The following CUX1 variants were observed in gnomAD, a reference collection of about 807,000 sequenced individuals.
CUX1 encodes the protein protein CASP.
In CUX1, 31 loss-of-function variants were observed where a neutral mutation model predicts 158.8. That is an observed-to-expected ratio of 0.20 (90% CI 0.15 to 0.26). The LOEUF is 0.26. CUX1 is among the 10% of genes least tolerant of loss of function. CUX1 has a pLI of 1.00. For synonymous variants in CUX1, 879 were observed against 862.1 expected, an observed-to-expected ratio of 1.02 and a Z score of -0.34; for missense variants, 1,589 against 2,014.6, an observed-to-expected ratio of 0.79 and a Z score of 4.04.
chr7:102,191,374 C>T (rs1400836586), intron 12 of CUX1, among the ~76,000 whole-genome samples: 1 of 152,166 alleles, frequency 6.6e-6, no homozygotes, highest in African/African-American at 2.4e-5. Flanking sequence ...GCTGGGATTA[C>T]GGGCATGAGC....
chr7:102,086,154 C>T (rs782478925), intron 4 of CUX1, among the ~76,000 whole-genome samples: 12 of 152,002 alleles, frequency 7.9e-5, no homozygotes, highest in Admixed American at 2.0e-4. Context: ...ATCCTCCCCC[C>T]GGGCTTTTTT....
At chr7:102,029,129 AT>A (rs1421364695) in intron 3 of CUX1, among the ~76,000 whole-genome samples, 1 of 151,640 alleles carries the variant, frequency 6.6e-6, no homozygotes, top group East Asian at 1.9e-4. Context: ...AGCAAATGAG[AT>A]TGCAGGTGTG....
chr7:101,844,480 TTTC>T, intron 1 of CUX1, among the ~76,000 whole-genome samples: 1 of 152,334 alleles, frequency 6.6e-6, no homozygotes, highest in Non-Finnish European at 1.5e-5. Flanking sequence ...ATTCCCCTGT[TTTC>T]TTTTTGCACA....
downstream of CUX1, among the ~76,000 whole-genome samples, chr7:102,258,660 C>G (rs145323549): frequency 4.2e-3 from 633 of 152,286 alleles, 4 homozygotes; most frequent in Non-Finnish European, 5.8e-3. Flanking sequence ...CTGGTGGTGG[C>G]AGCCCCAATC....
intron 23 of CUX1, among the ~76,000 whole-genome samples, chr7:102,245,714 G>A (rs1225159696): frequency 6.6e-6 from 1 of 152,180 alleles, no homozygotes; most frequent in African/African-American, 2.4e-5. Context: ...GCTCACCCCT[G>A]TAATCCCAGC....
chr7:102,078,276 A>G (rs1432457586), intron 4 of CUX1, among the ~76,000 whole-genome samples: 9 of 152,228 alleles, frequency 5.9e-5, no homozygotes, highest in South Asian at 2.1e-4. Context: ...GGGTCTTGCC[A>G]TGTTGCCAAG....
At chr7:102,051,897 C>T (rs1823553642) in intron 3 of CUX1, among the ~76,000 whole-genome samples, 1 of 151,986 alleles carries the variant, frequency 6.6e-6, no homozygotes, top group Non-Finnish European at 1.5e-5. Context: ...AATTCCAGAA[C>T]ATTTTCGTCA....
intron 1 of CUX1, among the ~76,000 whole-genome samples, chr7:101,876,172 C>G (rs1799109239): frequency 6.6e-6 from 1 of 151,534 alleles, no homozygotes; most frequent in Non-Finnish European, 1.5e-5. Context: ...ATGGCGAAAC[C>G]CCATCTCTAC....
chr7:102,235,370 C>T (rs1166850901), intron 22 of CUX1, among the ~76,000 whole-genome samples: 1 of 152,126 alleles, frequency 6.6e-6, no homozygotes, highest in Non-Finnish European at 1.5e-5. Context: ...GCGGCAGCCT[C>T]CCTGATCAGC....
intron 3 of CUX1, among the ~76,000 whole-genome samples, chr7:102,049,369 G>C (rs1360612268): frequency 5.3e-5 from 8 of 152,226 alleles, no homozygotes; most frequent in Admixed American, 5.2e-4. Context: ...AATGGGCCCA[G>C]AGAGATCAAG....
At chr7:102,164,270 G>A (rs559036543) in intron 9 of CUX1, among the ~76,000 whole-genome samples, 16 of 152,318 alleles carry the variant, frequency 1.1e-4, no homozygotes, top group African/African-American at 2.9e-4. Context: ...CTATCCTCTC[G>A]CCTTGGCCTA....
chr7:102,236,961 CTTCTCTTCACTCCTG>C (rs1799636634), intron 22 of CUX1, among the ~76,000 whole-genome samples: 1 of 152,170 alleles, frequency 6.6e-6, no homozygotes, highest in African/African-American at 2.4e-5. Flanking sequence ...GTCCGATGGC[CTTCTCTTCACTCCTG>C]GGGGTGCCGG....
At chr7:102,130,387 T>A (rs782691140) in intron 8 of CUX1, among the ~76,000 whole-genome samples, 3 of 152,046 alleles carry the variant, frequency 2.0e-5, no homozygotes, top group Non-Finnish European at 4.4e-5. Flanking sequence ...AAAATAAAAA[T>A]TATGTAGTGT....
chr7:101,895,241 G>C (rs1207131701), intron 1 of CUX1, among the ~76,000 whole-genome samples: 1 of 152,094 alleles, frequency 6.6e-6, no homozygotes, highest in Non-Finnish European at 1.5e-5. Context: ...GGCTGGTCTT[G>C]AACTCCTGAC....
intron 1 of CUX1, among the ~76,000 whole-genome samples, chr7:101,885,101 C>T (rs1211727720): frequency 6.6e-6 from 1 of 152,196 alleles, no homozygotes; most frequent in Non-Finnish European, 1.5e-5. Flanking sequence ...TACACACAAG[C>T]CTTTCATGTG....
intron 10 of CUX1, among the ~76,000 whole-genome samples, chr7:102,174,672 G>T (rs530880987): frequency 1.3e-5 from 2 of 152,210 alleles, no homozygotes; most frequent in African/African-American, 4.8e-5. Flanking sequence ...TGGGCCAGGC[G>T]CAGTGGCTCA....
At chr7:101,995,541 G>A (rs143631459) in intron 2 of CUX1, among the ~76,000 whole-genome samples, 143 of 152,336 alleles carry the variant, frequency 9.4e-4, no homozygotes, top group African/African-American at 3.4e-3. Context: ...ACTTAGCAAT[G>A]TACTTGGGAA....
chr7:101,978,659 C>T (rs1373910420), intron 2 of CUX1, among the ~76,000 whole-genome samples: 2 of 152,256 alleles, frequency 1.3e-5, no homozygotes, highest in African/African-American at 2.4e-5. Context: ...GACCCCACGT[C>T]GCCCTCACTG....
Position 102,275,216 on chromosome 7 carries a change from AC to A in CUX1, c.1451-25del, listed in dbSNP as rs2132814578. ...CGCCTGCTGGGTTCCACCTCCTGCC[AC>A]CCCCCAAGCCACCCTCCTCTACCTG... On this transcript the variant is annotated intron_variant, in intron 16 of 22. Transcript: ENST00000292538. 5.2e-6 allele frequency: 8 copies of A among 1,534,378 alleles called. No individual in the cohort carries two copies. The East Asian group carries it at 1.4e-4, about 27-fold the overall frequency.
Sources: gnomAD v4.1 joint callset for allele counts (sites outside exome capture counted in the v4.1 genomes callset) on GRCh38, gnomAD v4.1.1 for gene constraint, MANE v1.5 for transcripts, NCBI Gene and HGNC (gene_info 2026-07-23, HGNC 2026-07-21) for gene names.